Variants in KLHL32 observed in about 807,000 individuals in gnomAD.
KLHL32 encodes kelch-like protein 32.
In KLHL32, 35 loss-of-function variants were observed where a neutral mutation model predicts 64.8. The observed-to-expected ratio is 0.54, with a 90% confidence interval of 0.41 to 0.72. The LOEUF is 0.72. Among genes scored for constraint, KLHL32 ranks in the 30% least tolerant of loss-of-function variants. KLHL32 has a pLI of 0.00. For synonymous variants in KLHL32, 259 were observed against 281.0 expected, an observed-to-expected ratio of 0.92 and a Z score of 0.78; for missense variants, 589 against 768.5, an observed-to-expected ratio of 0.77 and a Z score of 2.76.
chr6:96,899,796 T>A, the KLHL32 span, among the ~76,000 whole-genome samples: 1 of 152,360 alleles, frequency 6.6e-6, no homozygotes, highest in South Asian at 2.1e-4. Flanking sequence ...TAAGAACTCC[T>A]GTTGGGCTTA....
At chr6:97,123,906 C>T (rs1798623392) in intron 7 of KLHL32, among the ~76,000 whole-genome samples, 1 of 152,156 alleles carries the variant, frequency 6.6e-6, no homozygotes, top group Non-Finnish European at 1.5e-5. Context: ...GAAATTAAAA[C>T]ATATAGAGAC....
intron 6 of KLHL32, among the ~76,000 whole-genome samples, chr6:97,098,080 A>C (rs1795226602): frequency 6.6e-6 from 1 of 152,164 alleles, no homozygotes; most frequent in South Asian, 2.1e-4. Flanking sequence ...AAAAGTTGCA[A>C]ATTTCAATTT....
At chr6:97,020,982 G>A (rs779260453) in intron 3 of KLHL32, among the ~76,000 whole-genome samples, 1 of 150,876 alleles carries the variant, frequency 6.6e-6, no homozygotes, top group South Asian at 2.1e-4. Flanking sequence ...GTATTATATA[G>A]GGTAGTATAT....
At chr6:97,056,515 C>T (rs1158165406) in intron 4 of KLHL32, among the ~76,000 whole-genome samples, 5 of 152,114 alleles carry the variant, frequency 3.3e-5, no homozygotes, top group Non-Finnish European at 1.5e-5. Context: ...TTTGCTTGCT[C>T]CTCCCCACTC....
intron 1 of KLHL32, among the ~76,000 whole-genome samples, chr6:96,944,244 C>T (rs1322609542): frequency 6.6e-6 from 1 of 152,114 alleles, no homozygotes; most frequent in Non-Finnish European, 1.5e-5. Flanking sequence ...TGCATGAATT[C>T]AAGGTATCAG....
At chr6:96,950,604 TTGAGTGAGTGAGTGAA>T (rs776285120) in intron 1 of KLHL32, among the ~76,000 whole-genome samples, 90 of 150,228 alleles carry the variant, frequency 6.0e-4, no homozygotes, top group Non-Finnish European at 1.6e-4. Flanking sequence ...ATTGAATGAG[TTGAGTGAGTGAGTGAA>T]TGAGTGAATG....
chr6:96,927,461 A>G (rs1480851105), intron 1 of KLHL32, among the ~76,000 whole-genome samples: 2 of 148,020 alleles, frequency 1.4e-5, no homozygotes, highest in East Asian at 1.9e-4. Context: ...TTTAATAACT[A>G]TCTTGTAGTG....
intron 5 of KLHL32, among the ~76,000 whole-genome samples, chr6:97,082,695 A>G (rs1792760285): frequency 6.6e-6 from 1 of 152,168 alleles, no homozygotes; most frequent in Admixed American, 6.5e-5. Flanking sequence ...ACTGTGGGAT[A>G]TCCAAGAGAC....
chr6:97,037,998 C>T (rs1459592607), intron 3 of KLHL32, among the ~76,000 whole-genome samples: 3 of 152,146 alleles, frequency 2.0e-5, no homozygotes, highest in Non-Finnish European at 4.4e-5. Flanking sequence ...ACCCTTATCT[C>T]TCACCATACA....
chr6:96,906,372 A>C, the KLHL32 span, among the ~76,000 whole-genome samples: 2 of 152,196 alleles, frequency 1.3e-5, 1 homozygote, highest in South Asian at 4.1e-4. Flanking sequence ...GGGTAAAGAG[A>C]CCGGGAGAAT....
chr6:96,931,356 C>CG (rs1769864069), intron 1 of KLHL32, among the ~76,000 whole-genome samples: 1 of 152,130 alleles, frequency 6.6e-6, no homozygotes, highest in African/African-American at 2.4e-5. Context: ...AGTCACCCCC[C>CG]GGCTCATGGG....
At chr6:97,005,015 T>G (rs930472749) in intron 3 of KLHL32, among the ~76,000 whole-genome samples, 11 of 151,996 alleles carry the variant, frequency 7.2e-5, no homozygotes, top group African/African-American at 2.7e-4. Flanking sequence ...TAGGGAAGAG[T>G]ACATCCTCCC....
In KLHL32 at chr6:96,938,483, T is replaced by C. The variant is rs181393890; in HGVS notation, c.-66+13457T>C. On this transcript the variant is annotated intron_variant, in intron 1 of 10. Transcript: ENST00000369261. ...CTGCAGATACCTCATCAGCATTCTC[T>C]GTGCTGCTGTTGCTGCTTCTGACTG... Among the ~76,000 whole-genome samples the C allele has an allele frequency of 1.5e-3, 224 of 152,312 alleles. 1 individual carries two copies. The highest frequency in any genetic ancestry group is 5.0e-3 in the African/African-American group (208 of 41,566).
intron 1 of KLHL32, among the ~76,000 whole-genome samples, chr6:96,945,759 T>A (rs1043074785): frequency 2.0e-5 from 3 of 151,816 alleles, no homozygotes; most frequent in African/African-American, 7.3e-5. Context: ...CCCGGGGGAG[T>A]CACAGGCTTT....
chr6:96,905,076 G>A, the KLHL32 span, among the ~76,000 whole-genome samples: 1 of 152,088 alleles, frequency 6.6e-6, no homozygotes, highest in African/African-American at 2.4e-5. Flanking sequence ...GTTTTGGTTT[G>A]ATTCCAATGA....
chr6:97,099,130 T>C (rs1490767793), intron 6 of KLHL32, among the ~76,000 whole-genome samples: 3 of 152,220 alleles, frequency 2.0e-5, no homozygotes, highest in Non-Finnish European at 4.4e-5. Context: ...GTCTGTACTT[T>C]TTATATCAAA....
chr6:96,938,266 A>G (rs1770852402), intron 1 of KLHL32, among the ~76,000 whole-genome samples: 1 of 150,206 alleles, frequency 6.7e-6, no homozygotes, highest in African/African-American at 2.5e-5. Context: ...AGATAATTCC[A>G]TAGTGGAAAA....
intron 6 of KLHL32, among the ~76,000 whole-genome samples, chr6:97,105,699 G>A (rs977061735): frequency 1.3e-5 from 2 of 152,060 alleles, no homozygotes; most frequent in Non-Finnish European, 2.9e-5. Flanking sequence ...TGCTTACTCA[G>A]CTCTTCATGA....
intron 3 of KLHL32, among the ~76,000 whole-genome samples, chr6:97,023,315 C>T (rs1403484332): frequency 7.9e-5 from 12 of 152,166 alleles, no homozygotes; most frequent in African/African-American, 2.9e-4. Flanking sequence ...CATATTTTTT[C>T]AGCATTGACA....
Sources: gnomAD v4.1 joint callset for allele counts (sites outside exome capture counted in the v4.1 genomes callset) on GRCh38, gnomAD v4.1.1 for gene constraint, MANE v1.5 for transcripts, NCBI Gene and HGNC (gene_info 2026-07-23, HGNC 2026-07-21) for gene names.